ABTB3: variants seen among roughly 807,000 people sequenced by gnomAD.
ABTB3 encodes the protein ankyrin repeat and BTB domain containing 3.
the ABTB3 span, among the ~76,000 whole-genome samples, chr12:107,653,061 A>G: frequency 1.3e-5 from 2 of 152,226 alleles, no homozygotes; most frequent in African/African-American, 4.8e-5. Flanking sequence ...GGCATGAGCC[A>G]TCGCACCCAG....
At chr12:107,469,908 TTCTTTCTTTCTTTC>T in the ABTB3 span, among the ~76,000 whole-genome samples, 2 of 110,906 alleles carry the variant, frequency 1.8e-5, no homozygotes, top group Admixed American at 8.6e-5. Context: ...CTTTCTTTCT[TTCTTTCTTTCTTTC>T]TCTCTCTCTC....
At chr12:107,462,700 G>A in the ABTB3 span, among the ~76,000 whole-genome samples, 3 of 150,162 alleles carry the variant, frequency 2.0e-5, no homozygotes, top group African/African-American at 7.6e-5. Context: ...TGGTGATGAT[G>A]GTGGTGGTGA....
chr12:107,325,147 C>G, the ABTB3 span, among the ~76,000 whole-genome samples: 1 of 152,234 alleles, frequency 6.6e-6, no homozygotes, highest in African/African-American at 2.4e-5. Flanking sequence ...TAGTCTCTTT[C>G]ATTTCAGGGA....
the ABTB3 span, among the ~76,000 whole-genome samples, chr12:107,554,489 A>C: frequency 6.6e-6 from 1 of 152,190 alleles, no homozygotes; most frequent in East Asian, 1.9e-4. Context: ...TAATCATAGA[A>C]TCTACTTCAG....
chr12:107,426,308 C>A, the ABTB3 span, among the ~76,000 whole-genome samples: 1 of 152,166 alleles, frequency 6.6e-6, no homozygotes, highest in Admixed American at 6.5e-5. Flanking sequence ...GGACGGCAAG[C>A]CTGCAACAGT....
the ABTB3 span, among the ~76,000 whole-genome samples, chr12:107,514,224 C>T: frequency 6.6e-6 from 1 of 152,224 alleles, no homozygotes; most frequent in African/African-American, 2.4e-5. Context: ...TGCTCTACCC[C>T]ACCTTGCCGC....
the ABTB3 span, among the ~76,000 whole-genome samples, chr12:107,469,684 C>G: frequency 6.6e-6 from 1 of 152,118 alleles, no homozygotes; most frequent in Non-Finnish European, 1.5e-5. Flanking sequence ...GAAGATTTGA[C>G]TGGTTAATAT....
the ABTB3 span, among the ~76,000 whole-genome samples, chr12:107,385,132 C>G: frequency 6.6e-6 from 1 of 152,196 alleles, no homozygotes; most frequent in Non-Finnish European, 1.5e-5. Context: ...TCGAAGGCAG[C>G]CATTCATTCA....
the ABTB3 span, among the ~76,000 whole-genome samples, chr12:107,613,130 A>G: frequency 6.6e-6 from 1 of 152,222 alleles, no homozygotes; most frequent in African/African-American, 2.4e-5. Context: ...CATAGCTGCA[A>G]GGAGCACTGG....
chr12:107,621,803 T>C, the ABTB3 span, among the ~76,000 whole-genome samples: 1 of 152,198 alleles, frequency 6.6e-6, no homozygotes, highest in South Asian at 2.1e-4. Flanking sequence ...GGAGCCACAA[T>C]GTTTGACTTG....
the ABTB3 span, among the ~76,000 whole-genome samples, chr12:107,541,388 G>T: frequency 6.6e-6 from 1 of 152,248 alleles, no homozygotes; most frequent in South Asian, 2.1e-4. Flanking sequence ...GTCAGATATC[G>T]TATTAGTCAG....
At chr12:107,332,714 C>A in the ABTB3 span, among the ~76,000 whole-genome samples, 13 of 152,194 alleles carry the variant, frequency 8.5e-5, no homozygotes, top group African/African-American at 3.1e-4. Context: ...CATCCTGCCT[C>A]AAGGCCTGAG....
chr12:107,629,710 T>G, the ABTB3 span, among the ~76,000 whole-genome samples: 7 of 149,950 alleles, frequency 4.7e-5, no homozygotes, highest in African/African-American at 1.7e-4. Flanking sequence ...CAGCCTGTTA[T>G]CCCTTTGGCC....
the ABTB3 span, chr12:107,657,769 C>G: frequency 2.5e-6 from 4 of 1,585,840 alleles, no homozygotes; most frequent in Non-Finnish European, 3.5e-6. Flanking sequence ...TCTCCTGCCG[C>G]ATTGGCTTTA....
At chr12:107,544,164 G>C in the ABTB3 span, 1 of 1,604,044 alleles carries the variant, frequency 6.2e-7, no homozygotes, top group South Asian at 1.1e-5. Context: ...GCCTTGCCTT[G>C]TGGTGGGTGG....
At chr12:107,438,908 A>C in the ABTB3 span, among the ~76,000 whole-genome samples, 1 of 152,234 alleles carries the variant, frequency 6.6e-6, no homozygotes, top group Non-Finnish European at 1.5e-5. Flanking sequence ...CCATTCAAAA[A>C]ATTATTATTT....
At chr12:107,320,860 CG>C in the ABTB3 span, among the ~76,000 whole-genome samples, 1 of 151,448 alleles carries the variant, frequency 6.6e-6, no homozygotes, top group Non-Finnish European at 1.5e-5. Flanking sequence ...ATGGAGCTGG[CG>C]GGGGGCAGTT....
At chr12:107,369,706 GGTTTTTTT>G in the ABTB3 span, among the ~76,000 whole-genome samples, 5 of 74,776 alleles carry the variant, frequency 6.7e-5, no homozygotes, top group African/African-American at 2.3e-4. Flanking sequence ...GCCCAAACAT[GGTTTTTTT>G]TTTTTTTTTT....
At chr12:107,346,607 G>A in the ABTB3 span, among the ~76,000 whole-genome samples, 1 of 152,054 alleles carries the variant, frequency 6.6e-6, no homozygotes, top group African/African-American at 2.4e-5. Context: ...CTACAGGTGT[G>A]TGGCACCACG....
Sources: gnomAD v4.1 joint callset for allele counts (sites outside exome capture counted in the v4.1 genomes callset) on GRCh38, gnomAD v4.1.1 for gene constraint, MANE v1.5 for transcripts, NCBI Gene and HGNC (gene_info 2026-07-23, HGNC 2026-07-21) for gene names.